The following ATP10A variants were observed in gnomAD, a reference collection of about 807,000 sequenced individuals.
ATP10A encodes ATPase phospholipid transporting 10A (putative), also known as phospholipid-transporting ATPase VA.
Under a neutral mutation model 147.8 loss-of-function variants are expected in ATP10A, and 111 were observed. The ratio of observed to expected loss-of-function variants is 0.75; its 90% CI spans 0.64 to 0.88. ATP10A has a LOEUF of 0.88. Among genes scored for constraint, ATP10A ranks in the 40% least tolerant of loss-of-function variants. The pLI, the probability that ATP10A is intolerant of heterozygous loss-of-function variation, is 0.00. For synonymous variants in ATP10A, 875 were observed against 841.6 expected, an observed-to-expected ratio of 1.04 and a Z score of -0.69; for missense variants, 1,927 against 1,959.0, an observed-to-expected ratio of 0.98 and a Z score of 0.31.
intron 2 of ATP10A, among the ~76,000 whole-genome samples, chr15:25,777,774 C>CTT (rs1427683713): frequency 6.0e-5 from 4 of 66,590 alleles, no homozygotes; most frequent in South Asian, 6.6e-4. Flanking sequence ...AATTTTTTTT[C>CTT]TTTCTTTCTT....
At chr15:25,862,151 A>G (rs1893789651) in intron 1 of ATP10A, 2 of 413,200 alleles carry the variant, frequency 4.8e-6, no homozygotes, top group Non-Finnish European at 9.9e-6. Flanking sequence ...GGGCCGTGCC[A>G]GACATATCAG....
intron 1 of ATP10A, among the ~76,000 whole-genome samples, chr15:25,845,398 C>T (rs945442953): frequency 2.0e-5 from 3 of 151,928 alleles, no homozygotes; most frequent in East Asian, 3.9e-4. Flanking sequence ...TGATAAGGCC[C>T]GGCCACCTCC....
chr15:25,675,949 G>C (rs1260722388), downstream of ATP10A, among the ~76,000 whole-genome samples: 1 of 151,936 alleles, frequency 6.6e-6, no homozygotes, highest in African/African-American at 2.4e-5. Context: ...CCGTTGGAAA[G>C]GAAAGGGGAA....
chr15:25,837,513 C>T (rs539468768), intron 1 of ATP10A, among the ~76,000 whole-genome samples: 28 of 152,208 alleles, frequency 1.8e-4, no homozygotes, highest in East Asian at 3.9e-4. Flanking sequence ...AATGCGGAGA[C>T]GGTAGTCACA....
At chr15:25,796,810 C>T (rs189073728) in intron 1 of ATP10A, among the ~76,000 whole-genome samples, 4 of 152,266 alleles carry the variant, frequency 2.6e-5, no homozygotes, top group South Asian at 2.1e-4. Context: ...TTTGAGCTGG[C>T]CTTGTAGAGG....
chr15:25,710,974 C>T (rs1276066230), intron 10 of ATP10A: 1 of 152,074 alleles, frequency 6.6e-6, no homozygotes, highest in Non-Finnish European at 1.5e-5. Context: ...GGGGACTTCC[C>T]GTGAGAGGCA....
chr15:25,704,555 C>T (rs898825114), intron 12 of ATP10A, among the ~76,000 whole-genome samples: 3 of 152,218 alleles, frequency 2.0e-5, no homozygotes, highest in African/African-American at 7.2e-5. Context: ...ACAGAACCTC[C>T]TTAGTTCAGG....
intron 17 of ATP10A, among the ~76,000 whole-genome samples, chr15:25,682,810 G>A (rs1899495473): frequency 6.6e-6 from 1 of 152,218 alleles, no homozygotes. Context: ...GCAAAGAAAA[G>A]CACTTGCTGT....
intron 2 of ATP10A, among the ~76,000 whole-genome samples, chr15:25,745,360 A>T (rs1447612594): frequency 6.6e-6 from 1 of 152,172 alleles, no homozygotes; most frequent in Non-Finnish European, 1.5e-5. Flanking sequence ...CTCAAAAAAA[A>T]AAAAGGGAAA....
intron 2 of ATP10A, among the ~76,000 whole-genome samples, chr15:25,737,289 G>A (rs1224879688): frequency 2.0e-5 from 3 of 152,192 alleles, no homozygotes; most frequent in South Asian, 4.1e-4. Context: ...CTTGAAACCA[G>A]TGGATGGCTT....
intron 2 of ATP10A, among the ~76,000 whole-genome samples, chr15:25,779,834 A>G (rs2140701316): frequency 6.8e-6 from 1 of 147,206 alleles, no homozygotes; most frequent in South Asian, 2.2e-4. Flanking sequence ...CTTGGCATAA[A>G]AGAAGGTTAA....
At chr15:25,804,354 G>A (rs2140793526) in intron 1 of ATP10A, among the ~76,000 whole-genome samples, 1 of 151,220 alleles carries the variant, frequency 6.6e-6, no homozygotes, top group South Asian at 2.1e-4. Flanking sequence ...ATGATGTGAC[G>A]CTGTGTTTGT....
chr15:25,824,880 G>T (rs1206852429), intron 1 of ATP10A, among the ~76,000 whole-genome samples: 1 of 152,130 alleles, frequency 6.6e-6, no homozygotes, highest in Non-Finnish European at 1.5e-5. Context: ...CAGCCACTAG[G>T]CCAGGTGCTG....
At chr15:25,849,195 T>C (rs8024076) in intron 1 of ATP10A, among the ~76,000 whole-genome samples, 148,647 of 152,110 alleles carry the variant, frequency 0.98, 72,737 homozygotes, top group East Asian at 1. Flanking sequence ...CCTGGGGTGA[T>C]GAGAGCAGGT....
chr15:25,811,186 G>C (rs2140816525), intron 1 of ATP10A, among the ~76,000 whole-genome samples: 1 of 152,330 alleles, frequency 6.6e-6, no homozygotes, highest in South Asian at 2.1e-4. Flanking sequence ...TCAGTATCCA[G>C]GGGCACTGCC....
In ATP10A at chr15:25,726,027, CT is replaced by C; in HGVS notation, c.902del (p.Lys301SerfsTer6). On this transcript the variant is annotated frameshift_variant, in exon 5 of 21. Coordinates refer to ENST00000555815, the MANE Select transcript of ATP10A (RefSeq NM_024490.4). LOFTEE classifies it high-confidence loss of function. ...NNSGPRYKRS[K>X]LERQMNCDVL... ...CGTCGCAGTTCATCTGCCTCTCCAG[CT>C]TGCTGCGCTTGTAGCGGGGCCCACT... 6.2e-7 allele frequency: 1 copy of C among 1,614,172 alleles called. No homozygotes were observed. Among genetic ancestry groups the C allele is most frequent in the Non-Finnish European group, 8.5e-7 (1 of 1,180,018 alleles).
At chr15:25,783,634 G>A (rs1362634302) in intron 1 of ATP10A, among the ~76,000 whole-genome samples, 1 of 152,206 alleles carries the variant, frequency 6.6e-6, no homozygotes, top group Non-Finnish European at 1.5e-5. Context: ...TAGCTCTGGG[G>A]CACTACGTTG....
intron 1 of ATP10A, among the ~76,000 whole-genome samples, chr15:25,857,049 G>A (rs568994974): frequency 1.3e-5 from 2 of 152,304 alleles, no homozygotes; most frequent in South Asian, 2.1e-4. Context: ...CACCTGCTGA[G>A]TAGGCCTCAT....
intron 1 of ATP10A, among the ~76,000 whole-genome samples, chr15:25,809,691 T>A (rs910665137): frequency 7.7e-6 from 1 of 129,464 alleles, no homozygotes; most frequent in Admixed American, 8.5e-5. Context: ...ACAGTGCTGT[T>A]CCCCACAGAC....
Sources: gnomAD v4.1 joint callset for allele counts (sites outside exome capture counted in the v4.1 genomes callset) on GRCh38, gnomAD v4.1.1 for gene constraint, MANE v1.5 for transcripts, NCBI Gene and HGNC (gene_info 2026-07-23, HGNC 2026-07-21) for gene names.